SNTG1: variants seen among roughly 807,000 people sequenced by gnomAD.
SNTG1 encodes the protein syntrophin gamma 1.
In SNTG1, 39 loss-of-function variants were observed where a neutral mutation model predicts 74.7. The ratio of observed to expected loss-of-function variants is 0.52; its 90% CI spans 0.40 to 0.68. SNTG1 has a LOEUF of 0.68. SNTG1 is among the 30% of genes least tolerant of loss of function. The probability of loss-of-function intolerance (pLI) is 0.00; values close to 1 mark genes in which losing one functional copy is unlikely to be tolerated. For synonymous variants in SNTG1, 254 were observed against 217.1 expected (o/e 1.17, Z -1.49); for missense variants, 685 against 609.5 (o/e 1.12, Z -1.30).
At chr8:50,759,808 G>A (rs1044052580) in intron 18 of SNTG1, among the ~76,000 whole-genome samples, 36 of 152,176 alleles carry the variant, frequency 2.4e-4, no homozygotes, top group African/African-American at 8.4e-4. Flanking sequence ...TTTTTGCTTA[G>A]GATTGTCCTG....
chr8:50,334,505 T>TG (rs2091074382), intron 2 of SNTG1, among the ~76,000 whole-genome samples: 2 of 137,228 alleles, frequency 1.5e-5, no homozygotes, highest in Admixed American at 1.5e-4. Context: ...ATATCTCTGC[T>TG]AAAAAAAAAA....
intron 1 of SNTG1, among the ~76,000 whole-genome samples, chr8:50,100,907 T>A (rs2080097507): frequency 1.3e-5 from 2 of 152,116 alleles, no homozygotes; most frequent in Non-Finnish European, 2.9e-5. Context: ...TACCCAATAG[T>A]CAGTTTTTTC....
chr8:50,482,059 G>A (rs1208955125), intron 8 of SNTG1, among the ~76,000 whole-genome samples: 3 of 152,188 alleles, frequency 2.0e-5, no homozygotes, highest in African/African-American at 7.2e-5. Flanking sequence ...CCATTTCCCA[G>A]TCCAGTGATC....
At chr8:50,563,743 G>A (rs1247909713) in intron 12 of SNTG1, among the ~76,000 whole-genome samples, 2 of 151,982 alleles carry the variant, frequency 1.3e-5, no homozygotes, top group African/African-American at 2.4e-5. Context: ...ACAACAACTT[G>A]GAGTCTCCTA....
rs1364025437 is a variant in SNTG1 at position 50,394,230 on chromosome 8, C to G, written c.-9C>G. Reference sequence around the variant, plus strand: ...TTTTCAGACGACATCCTTTGTGGTGCCACAGCACATGGATTTCAGAACCGC... The same window carrying G: ...TTTTCAGACGACATCCTTTGTGGTGGCACAGCACATGGATTTCAGAACCGC... On this transcript the variant is annotated 5_prime_UTR_variant, in exon 3 of 19. Coordinates refer to ENST00000642720, the MANE Select transcript of SNTG1 (RefSeq NM_018967.5). 1.4e-5 allele frequency: 23 copies of G among 1,612,466 alleles called. No individual in the cohort carries two copies. Among genetic ancestry groups the G allele is most frequent in the Non-Finnish European group, 2.0e-5 (23 of 1,179,122 alleles).
intron 13 of SNTG1, among the ~76,000 whole-genome samples, chr8:50,611,792 G>T (rs901315977): frequency 1.6e-4 from 24 of 151,966 alleles, no homozygotes; most frequent in Non-Finnish European, 3.1e-4. Flanking sequence ...TTTGAGTCAG[G>T]GTCTCACTCT....
At chr8:50,728,465 T>A (rs866662661) in intron 17 of SNTG1, among the ~76,000 whole-genome samples, 29 of 152,312 alleles carry the variant, frequency 1.9e-4, no homozygotes, top group African/African-American at 6.3e-4. Context: ...TACCAGAGTG[T>A]GTGTCTATTC....
chr8:50,519,017 G>A (rs1039843624), intron 9 of SNTG1, among the ~76,000 whole-genome samples: 2 of 151,932 alleles, frequency 1.3e-5, no homozygotes, highest in Non-Finnish European at 2.9e-5. Flanking sequence ...AAAATTGCAG[G>A]CCAATATCAC....
At chr8:50,345,877 C>G (rs1437625088) in intron 2 of SNTG1, among the ~76,000 whole-genome samples, 1 of 152,170 alleles carries the variant, frequency 6.6e-6, no homozygotes, top group Non-Finnish European at 1.5e-5. Context: ...TATCTGATAT[C>G]ATTTTCAATG....
chr8:50,722,210 T>C (rs2095489462), intron 17 of SNTG1, among the ~76,000 whole-genome samples: 1 of 147,396 alleles, frequency 6.8e-6, no homozygotes, highest in Admixed American at 6.7e-5. Context: ...AGTCTTGCTC[T>C]GTCACCCAGG....
chr8:50,505,721 A>T (rs1200957126), intron 9 of SNTG1, among the ~76,000 whole-genome samples: 1 of 152,104 alleles, frequency 6.6e-6, no homozygotes, highest in Admixed American at 6.6e-5. Context: ...GCTGTTGTTG[A>T]GTTGTAAGAA....
chr8:50,656,849 A>T, intron 13 of SNTG1, 60 bp from the exon 14 acceptor site: 1 of 1,042,442 alleles, frequency 9.6e-7, no homozygotes, highest in South Asian at 1.4e-5. Context: ...AAATATTTTT[A>T]GATATAAGAT....
chr8:50,076,768 C>T (rs908572628), intron 1 of SNTG1, among the ~76,000 whole-genome samples: 1 of 152,030 alleles, frequency 6.6e-6, no homozygotes, highest in Admixed American at 6.6e-5. Context: ...TTGCAATAAT[C>T]ATTATAAATT....
At position 50,465,071 on chromosome 8, in the gene SNTG1, T is replaced by C. The variant is rs191585185; in HGVS notation, c.363+14342T>C. ...AAGTCAAGCACAAGGAAACAAGGTG[T>C]GCTTGTATCTATTCATACACATTTC... On this transcript the variant is annotated intron_variant, in intron 8 of 18. Coordinates refer to ENST00000642720, the MANE Select transcript of SNTG1 (RefSeq NM_018967.5). Among the ~76,000 whole-genome samples, 18 of 152,206 alleles carry C rather than the reference T, an allele frequency of 1.2e-4. No individual in the cohort carries two copies. The East Asian group carries it at 3.3e-3, about 28-fold the overall frequency.
At chr8:50,390,620 G>C (rs959562524) in intron 2 of SNTG1, among the ~76,000 whole-genome samples, 1 of 152,170 alleles carries the variant, frequency 6.6e-6, no homozygotes, top group African/African-American at 2.4e-5. Context: ...TTCATTGGTA[G>C]CTTGATAGGG....
chr8:50,017,162 A>G (rs1816401316), intron 1 of SNTG1, among the ~76,000 whole-genome samples: 1 of 152,122 alleles, frequency 6.6e-6, no homozygotes, highest in South Asian at 2.1e-4. Context: ...ATGTTACTAC[A>G]TTGTCCTTAG....
At position 50,590,893 on chromosome 8, in the gene SNTG1, C is replaced by G; in HGVS notation, c.825C>G (p.Asn275Lys). The G allele has an allele frequency of 6.4e-7, 1 of 1,568,970 alleles. No individual in the cohort carries two copies. Among genetic ancestry groups the G allele is most frequent in the South Asian group, 1.2e-5 (1 of 84,468 alleles). The change falls in exon 13 of 19, where the codon AAC becomes AAG. Residue 275 changes from asparagine to lysine, a missense_variant. Physicochemically the swap from Asn to Lys is moderately conservative, Grantham distance 94. Transcript: ENST00000642720. ...NLTKHNIKKI[N>K]RNFPVNQQIV... ...TATCATTGCAGATTAAAAAAATCAA[C>G]AGAAACTTTCCTGTAAACCAGCAGG...
chr8:50,322,101 T>C (rs2090554856), intron 2 of SNTG1, among the ~76,000 whole-genome samples: 1 of 129,886 alleles, frequency 7.7e-6, no homozygotes, highest in African/African-American at 2.5e-5. Flanking sequence ...GAGAATTGCC[T>C]TTAGCATTTC....
rs377451535 is a variant in SNTG1, at chr8:50,584,433, T to C, written c.811-6446T>C. Among the ~76,000 whole-genome samples, 21 of 152,034 alleles carry C rather than the reference T, an allele frequency of 1.4e-4. 1 individual carries two copies. The South Asian group carries it at 3.3e-3, about 24-fold the overall frequency. ...CACATCCTCTCCAGCACCTACTGTTTCCTGACTTTTTGATGATTGCCATTC... is the reference window on the plus strand; with the variant it reads ...CACATCCTCTCCAGCACCTACTGTTCCCTGACTTTTTGATGATTGCCATTC... On this transcript the variant is annotated intron_variant, in intron 12 of 18. Coordinates refer to ENST00000642720, the MANE Select transcript of SNTG1 (RefSeq NM_018967.5).
Sources: gnomAD v4.1 joint callset for allele counts (sites outside exome capture counted in the v4.1 genomes callset) on GRCh38, gnomAD v4.1.1 for gene constraint, MANE v1.5 for transcripts, NCBI Gene and HGNC (gene_info 2026-07-23, HGNC 2026-07-21) for gene names.